The following PLEC variants were observed in gnomAD, a reference collection of about 807,000 sequenced individuals.
PLEC encodes plectin, also known as hemidesmosomal protein 1.
PLEC carries 216 observed loss-of-function variants against 392.8 expected under a neutral mutation model. The ratio of observed to expected loss-of-function variants is 0.55; its 90% confidence interval spans 0.49 to 0.62. The LOEUF (loss-of-function observed/expected upper bound fraction) is 0.62, where lower values mean the gene tolerates loss of function less well. Ranked by LOEUF, PLEC falls within the 20% of genes least tolerant of loss-of-function variation. PLEC has a pLI of 0.00. For missense variants in PLEC, 6,863 were observed against 6,563.4 expected (o/e 1.05, Z -1.58); for synonymous variants, 3,621 against 2,980.6 (o/e 1.21, Z -7.00).
At chr8:143,928,140 C>T in intron 25 of PLEC, 148 bp from the exon 26 acceptor site, 3 of 955,984 alleles carry the variant, frequency 3.1e-6, no homozygotes, top group Admixed American at 2.8e-5. Flanking sequence ...CAGAGGCTTG[C>T]TTCAGGAGAA....
chr8:143,917,077 G>C lies in PLEC; in HGVS notation c.12744C>G (p.Ser4248=), dbSNP rs267601822. The C allele has an allele frequency of 6.2e-7, 1 of 1,607,192 alleles. No individual in the cohort carries two copies. The highest frequency in any genetic ancestry group is 1.3e-5 in the African/African-American group (1 of 74,810). Residue 4248 remains serine, a synonymous_variant, in exon 32 of 32, where the codon TCC becomes TCG. Transcript: ENST00000345136. ...GGTAGGAGGAGGAGGATCCCACCGA[G>C]GAGGAACGGGAGCGGAAACCACCGG... ...GNAGGFRSRS[S]SVGSSSSYPI...
rs140300753 is a variant in PLEC, at chr8:143,927,792, C to T, written c.3400-26G>A. On this transcript the variant is annotated intron_variant, in intron 26 of 31. Transcript: ENST00000345136. Reference sequence around the variant, plus strand: ...CTGTTGGGGACAGGAGGGACATGTGCGGCTTCAGCTGGGCCCGCTGTACCC... The same window carrying T: ...CTGTTGGGGACAGGAGGGACATGTGTGGCTTCAGCTGGGCCCGCTGTACCC... 0.018 allele frequency: 28,729 copies of T among 1,590,052 alleles called. 319 individuals are homozygous for T. Among genetic ancestry groups the T allele is most frequent in the Middle Eastern group, 0.029 (175 of 6,036 alleles).
intron 1 of PLEC, among the ~76,000 whole-genome samples, chr8:143,960,594 G>A (rs1315786721): frequency 2.0e-5 from 3 of 152,020 alleles, no homozygotes; most frequent in Non-Finnish European, 4.4e-5. Flanking sequence ...TCCAGCCTGG[G>A]TGATAAAGCA....
chr8:143,922,401 G>A lies in PLEC; in HGVS notation c.7426-6C>T. On this transcript the variant is annotated splice_region_variant and splice_polypyrimidine_tract_variant and intron_variant, in intron 31 of 31. Transcript: ENST00000345136. ...TCCTGCTGCACCGTCTGCATCTGCA[G>A]AAGAAGAGGGTGTGATCAGGGACCG... 3 of 1,601,130 alleles carry A rather than the reference G, an allele frequency of 1.9e-6. No individual in the cohort carries two copies. The highest frequency in any genetic ancestry group is 2.2e-5 in the South Asian group (2 of 91,074).
At chr8:143,945,866 A>T (rs910045159) in intron 1 of PLEC, among the ~76,000 whole-genome samples, 3 of 152,238 alleles carry the variant, frequency 2.0e-5, no homozygotes, top group Non-Finnish European at 4.4e-5. Flanking sequence ...CGGCCGAGGG[A>T]AATGCCTGCA....
rs201698549 is a variant in PLEC at position 143,919,433 on chromosome 8, C to T, written c.10388G>A (p.Arg3463His). The change falls in exon 32 of 32, where the codon CGC becomes CAC. Residue 3463 changes from arginine to histidine, a missense_variant. Transcript: ENST00000345136. ...KGLVLRQHGI[R>H]LLEAQIATGG... is the part of the protein sequence containing the mutation. Reference sequence around the variant, plus strand: ...CGTGGCGATCTGGGCCTCCAGCAGGCGGATGCCGTGCTGCCGGAGAACCAG... The same window carrying T: ...CGTGGCGATCTGGGCCTCCAGCAGGTGGATGCCGTGCTGCCGGAGAACCAG... The T allele has an allele frequency of 5.3e-5, 86 of 1,613,204 alleles. 1 individual carries two copies. The East Asian group carries it at 1.0e-3, about 20-fold the overall frequency.
upstream of PLEC, chr8:143,944,514 G>A: frequency 2.0e-6 from 1 of 497,590 alleles, no homozygotes; most frequent in Non-Finnish European, 3.5e-6. Flanking sequence ...GGGTCTGGGT[G>A]AGGGCACATG....
chr8:143,917,175 G>A lies in PLEC; in HGVS notation c.12646C>T (p.Arg4216Cys), dbSNP rs782235680. 15 of 1,611,960 alleles carry A rather than the reference G, an allele frequency of 9.3e-6. 1 individual carries two copies. The highest frequency in any genetic ancestry group is 3.3e-5 in the South Asian group (3 of 91,076). ...GCGCGGTACTGGTCCAGTGCCGAGC[G>A]GTCGATGAGGTTCTTGGCGATGGCA... ...DDAIAKNLIDRSALDQYRAGT... is the reference protein window; with the variant it reads ...DDAIAKNLIDCSALDQYRAGT... The change falls in exon 32 of 32, where the codon CGC (arginine) becomes TGC (cysteine). Residue 4216 changes from arginine to cysteine, a missense_variant. Arg to Cys is a radical substitution (Grantham distance 180). Transcript: ENST00000345136.
At position 143,931,332 on chromosome 8, in the gene PLEC, C is replaced by CCA. The variant is rs373073069; in HGVS notation, c.2304+200_2304+201dup. Reference sequence around the variant, plus strand: ...TGCCTCCCAACTCCTGCTGGCCCCTCCAGTTGCCCCCTAGTCTCCAGAGTA... The same window carrying CCA: ...TGCCTCCCAACTCCTGCTGGCCCCTCCACAGTTGCCCCCTAGTCTCCAGAGTA... On this transcript the variant is annotated intron_variant, in intron 19 of 31. Coordinates refer to ENST00000345136, the MANE Select transcript of PLEC (RefSeq NM_201384.3). 4.8e-3 allele frequency among the ~76,000 whole-genome samples: 513 copies of CCA among 107,028 alleles called. 8 individuals are homozygous for CCA. Among genetic ancestry groups the CCA allele is most frequent in the African/African-American group, 0.013 (470 of 37,050 alleles). 70.2% of individuals were successfully genotyped at this position (107,028 alleles called of 152,430 possible). A position where few individuals can be genotyped will look rare whatever the true frequency, so the allele number is the denominator to read the frequency against.
At position 143,917,869 on chromosome 8, in the gene PLEC, C is replaced by T. The variant is rs371941789; in HGVS notation, c.11952G>A (p.Lys3984=). The change falls in exon 32 of 32, where the codon AAG becomes AAA. Residue 3984 remains lysine, a synonymous_variant. Transcript: ENST00000345136. ...TACGCACAGCCTCCTCCACCGTCAG[C>T]TTCAGTCCCTTGATGGGGTCGATGA... ...GYVIDPIKGL[K]LTVEEAVRMG... is the part of the protein sequence containing the mutation. The T allele has an allele frequency of 2.7e-5, 44 of 1,613,132 alleles. No individual in the cohort carries two copies. In the Middle Eastern group the frequency reaches 4.9e-4, roughly 18 times the overall value.
chr8:143,926,321 G>A (rs1352198366), intron 30 of PLEC, among the ~76,000 whole-genome samples: 10 of 152,208 alleles, frequency 6.6e-5, no homozygotes, highest in Admixed American at 2.6e-4. Context: ...GGCGGCCAGC[G>A]TGGAGACAGC....
chr8:143,922,905 G>C lies in PLEC; in HGVS notation c.7024C>G (p.Gln2342Glu). ...TTGTCCTCCTGCAGCCGCCGCGCCT[G>C]CTCCTGCGCAAGCTCCTTCTGCTGC... ...LQQQKELAQE[Q>E]ARRLQEDKEQ... Residue 2342 changes from glutamine (Q) to glutamate (E), a missense_variant, in exon 31 of 32, where the codon CAG becomes GAG. Gln to Glu is a conservative substitution (Grantham distance 29). Transcript: ENST00000345136. The C allele has an allele frequency of 1.9e-6, 3 of 1,593,484 alleles. No homozygotes were observed. Among genetic ancestry groups the C allele is most frequent in the South Asian group, 1.1e-5 (1 of 88,624 alleles).
rs782427399 is a variant in PLEC at position 143,922,506 on chromosome 8, C to T, written c.7423G>A (p.Glu2475Lys). The change falls in exon 31 of 32, where the codon GAG becomes AAG. Residue 2475 changes from glutamate to lysine, a missense_variant and splice_region_variant. Glu to Lys is a moderately conservative substitution (Grantham distance 56). Coordinates refer to ENST00000345136, the MANE Select transcript of PLEC (RefSeq NM_201384.3). Reference sequence around the variant, plus strand: ...GTCGCACGTAGAGGGGGCGGTACCTCCTCAGACTTGAGCTGCAGCAGTTTG... The same window carrying T: ...GTCGCACGTAGAGGGGGCGGTACCTTCTCAGACTTGAGCTGCAGCAGTTTG... ...EAKLLQLKSE[E>K]MQTVQQEQLL... The T allele has an allele frequency of 4.4e-6, 7 of 1,608,658 alleles. No homozygotes were observed. The highest frequency in any genetic ancestry group is 1.3e-5 in the African/African-American group (1 of 74,934).
Position 143,922,769 on chromosome 8 carries a change from A to G in PLEC, c.7160T>C (p.Leu2387Pro). Reference sequence around the variant, plus strand: ...GGCTCGGCTCATCTCGGCCACACGCAGCTTGAGGCGCTCAGCCTCAGCGCT... The same window carrying G: ...GGCTCGGCTCATCTCGGCCACACGCGGCTTGAGGCGCTCAGCCTCAGCGCT... ...EMSAEAERLK[L>P]RVAEMSRAQA... is the part of the protein sequence containing the mutation. The change falls in exon 31 of 32, where the codon CTG (leucine) becomes CCG (proline). Residue 2387 changes from leucine to proline, a missense_variant. By Grantham distance (98) the Leu-to-Pro change is moderately conservative. Coordinates refer to ENST00000345136, the MANE Select transcript of PLEC (RefSeq NM_201384.3). The G allele has an allele frequency of 6.2e-7, 1 of 1,606,160 alleles. No homozygotes were observed. Among genetic ancestry groups the G allele is most frequent in the Non-Finnish European group, 8.5e-7 (1 of 1,178,366 alleles).
chr8:143,933,252 C>G lies in PLEC; in HGVS notation c.1363G>C (p.Asp455His), dbSNP rs576247373. 1.9e-6 allele frequency: 3 copies of G among 1,613,128 alleles called. No homozygotes were observed. In the South Asian group the frequency reaches 3.3e-5, roughly 18 times the overall value. Residue 455 changes from aspartate (D) to histidine (H), a missense_variant, in exon 13 of 32, where the codon GAC becomes CAC. Physicochemically the swap from Asp to His is moderately conservative, Grantham distance 81. Transcript: ENST00000345136. ...CGTCCATCCTTGAGGGTCTGCACGTCGTTGAAGAGCAGCCGGATCATGCTA... is the reference window on the plus strand; with the variant it reads ...CGTCCATCCTTGAGGGTCTGCACGTGGTTGAAGAGCAGCCGGATCATGCTA... ...ADSMIRLLFNDVQTLKDGRHP... is the reference protein window; with the variant it reads ...ADSMIRLLFNHVQTLKDGRHP...
chr8:143,972,576 G>C (rs1307510361), intron 1 of PLEC, among the ~76,000 whole-genome samples: 1 of 152,230 alleles, frequency 6.6e-6, no homozygotes, highest in African/African-American at 2.4e-5. Context: ...CGTGGAGCTG[G>C]AGTCTGCTCT....
At chr8:143,953,710 G>T (rs1554738132), upstream of PLEC, 1 of 1,609,008 alleles carries the variant, frequency 6.2e-7, no homozygotes, top group African/African-American at 1.3e-5. Flanking sequence ...GCTCGGGCCC[G>T]GCCCCAGGAC....
exon 1 of PLEC, chr8:143,950,440 C>A (rs782134358): frequency 1.2e-6 from 2 of 1,601,748 alleles, no homozygotes; most frequent in Non-Finnish European, 1.7e-6. Context: ...CGATCTCTGG[C>A]GGCAGGTGCA....
At position 143,918,225 on chromosome 8, in the gene PLEC, G is replaced by A. The variant is rs782732974; in HGVS notation, c.11596C>T (p.Arg3866Cys). Reference protein sequence around the residue: ...SYTQLLRRCRRDDGTGQLLLP... With the variant: ...SYTQLLRRCRCDDGTGQLLLP... ...AGCAGCTGGCCGGTGCCGTCGTCAC[G>A]ACGGCACCGCCTGAGCAGCTGCGTG... Residue 3866 changes from arginine (R) to cysteine (C), a missense_variant, in exon 32 of 32, where the codon CGT becomes TGT. Arg to Cys is a radical substitution (Grantham distance 180). Transcript: ENST00000345136. 3.2e-5 allele frequency: 51 copies of A among 1,580,486 alleles called. No homozygotes were observed. The highest frequency in any genetic ancestry group is 4.0e-5 in the Non-Finnish European group (47 of 1,171,108).
Sources: gnomAD v4.1 joint callset for allele counts (sites outside exome capture counted in the v4.1 genomes callset) on GRCh38, gnomAD v4.1.1 for gene constraint, MANE v1.5 for transcripts, NCBI Gene and HGNC (gene_info 2026-07-23, HGNC 2026-07-21) for gene names.